KCNMA1: variants seen among roughly 807,000 people sequenced by gnomAD.
KCNMA1 encodes the protein Calcium-activated potassium channel subunit alpha-1.
In KCNMA1, 29 loss-of-function variants were observed where a neutral mutation model predicts 140.0. That is an observed-to-expected ratio of 0.21 (90% confidence interval 0.15 to 0.28). The LOEUF is 0.28. Among genes scored for constraint, KCNMA1 ranks in the 10% least tolerant of loss-of-function variants. The pLI, the probability that KCNMA1 is intolerant of heterozygous loss-of-function variation, is 1.00. For synonymous variants in KCNMA1, 612 were observed against 611.9 expected, an observed-to-expected ratio of 1.00 and a Z score of 0.00; for missense variants, 880 against 1,602.2, an observed-to-expected ratio of 0.55 and a Z score of 7.70.
At chr10:76,957,124 T>C (rs1202881956) in intron 20 of KCNMA1, among the ~76,000 whole-genome samples, 2 of 64,284 alleles carry the variant, frequency 3.1e-5, no homozygotes, top group Non-Finnish European at 5.5e-5. Flanking sequence ...CGAGACTCTG[T>C]CTCAAAAAAA....
intron 21 of KCNMA1, among the ~76,000 whole-genome samples, chr10:76,949,668 T>C (rs563654214): frequency 6.6e-6 from 1 of 152,316 alleles, no homozygotes; most frequent in East Asian, 1.9e-4. Flanking sequence ...ACCTTCATAA[T>C]AATTTTCAGG....
intron 1 of KCNMA1, among the ~76,000 whole-genome samples, chr10:77,489,922 T>C (rs1378129508): frequency 6.6e-6 from 1 of 152,166 alleles, no homozygotes; most frequent in Non-Finnish European, 1.5e-5. Context: ...AGCAAGTCAC[T>C]CCCCCTTCCT....
Position 76,889,555 on chromosome 10 carries a change from A to G in KCNMA1, c.3357T>C (p.Tyr1119=), listed in dbSNP as rs1457371491. The change falls in exon 27 of 28, where the codon TAT becomes TAC. Residue 1119 remains tyrosine (Y), a synonymous_variant. Transcript: ENST00000286628. ...TCAGAGCTTTGCAGAACAGATCACC[A>G]TAACAACCACCATCCTGGGAGACAG... The part of the protein sequence containing the change: ...PFADLGDGGC[Y]GDLFCKALKT... The G allele has an allele frequency of 5.6e-6, 9 of 1,612,990 alleles. No homozygotes were observed. In the African/African-American group the frequency reaches 6.7e-5, roughly 12 times the overall value.
chr10:77,099,441 T>G (rs1419026014), intron 9 of KCNMA1, among the ~76,000 whole-genome samples: 1 of 152,158 alleles, frequency 6.6e-6, no homozygotes, highest in Admixed American at 6.5e-5. Flanking sequence ...ACCTCCAGCA[T>G]CTGTTAGTCA....
intron 5 of KCNMA1, among the ~76,000 whole-genome samples, chr10:77,157,431 A>C (rs1370221417): frequency 6.7e-6 from 1 of 148,840 alleles, no homozygotes; most frequent in Non-Finnish European, 1.5e-5. Context: ...ATCTTTATCC[A>C]ATGTGATCAA....
intron 2 of KCNMA1, among the ~76,000 whole-genome samples, chr10:77,400,106 C>T (rs2096212989): frequency 6.6e-6 from 1 of 152,230 alleles, no homozygotes; most frequent in African/African-American, 2.4e-5. Context: ...CAGGGATAAA[C>T]ATTTGGACGG....
intron 2 of KCNMA1, among the ~76,000 whole-genome samples, chr10:77,393,292 G>T (rs987541208): frequency 2.0e-5 from 3 of 151,944 alleles, no homozygotes; most frequent in African/African-American, 4.8e-5. Flanking sequence ...TTCTACCCCT[G>T]CCCCAGAAAA....
chr10:77,214,324 T>C (rs1014809083), intron 3 of KCNMA1, among the ~76,000 whole-genome samples: 27 of 152,176 alleles, frequency 1.8e-4, no homozygotes, highest in Admixed American at 1.6e-3. Context: ...CGCCTCATCA[T>C]GTCATTAAAA....
At chr10:77,222,972 G>A (rs2050156521) in intron 3 of KCNMA1, among the ~76,000 whole-genome samples, 1 of 152,176 alleles carries the variant, frequency 6.6e-6, no homozygotes, top group African/African-American at 2.4e-5. Flanking sequence ...GCTCACACAT[G>A]TAATCTCAGC....
intron 14 of KCNMA1, among the ~76,000 whole-genome samples, chr10:77,070,859 G>A (rs899004255): frequency 2.0e-5 from 3 of 152,164 alleles, no homozygotes; most frequent in Admixed American, 6.5e-5. Context: ...ATGTGAATAA[G>A]GCATCTCTAT....
chr10:77,220,086 G>A (rs895514856), intron 3 of KCNMA1, among the ~76,000 whole-genome samples: 1 of 152,158 alleles, frequency 6.6e-6, no homozygotes, highest in African/African-American at 2.4e-5. Flanking sequence ...TGTTCTGAGT[G>A]TTTTTATCTG....
intron 1 of KCNMA1, among the ~76,000 whole-genome samples, chr10:77,429,801 AT>A (rs199703436): frequency 0.01 from 1,596 of 152,256 alleles, 39 homozygotes; most frequent in African/African-American, 0.037. Flanking sequence ...ATATGTATCT[AT>A]CATATATGTA....
At chr10:77,184,307 C>T (rs753613038) in intron 4 of KCNMA1, among the ~76,000 whole-genome samples, 6 of 152,158 alleles carry the variant, frequency 3.9e-5, no homozygotes, top group Non-Finnish European at 8.8e-5. Context: ...GCAACCTCTG[C>T]CTCCCAGGTT....
intron 3 of KCNMA1, among the ~76,000 whole-genome samples, chr10:77,225,303 T>C (rs977360400): frequency 1.3e-5 from 2 of 152,160 alleles, no homozygotes; most frequent in Non-Finnish European, 2.9e-5. Context: ...CCATTTCCTC[T>C]TGGGCTTCAG....
intron 3 of KCNMA1, among the ~76,000 whole-genome samples, chr10:77,214,087 C>G (rs1258056691): frequency 1.3e-5 from 2 of 152,186 alleles, no homozygotes; most frequent in Non-Finnish European, 1.5e-5. Context: ...CACACCAGCT[C>G]TGGAAAGCTG....
chr10:77,567,137 C>T (rs1372862155), intron 1 of KCNMA1, among the ~76,000 whole-genome samples: 12 of 152,104 alleles, frequency 7.9e-5, no homozygotes, highest in Admixed American at 7.9e-4. Flanking sequence ...GCCTGCAGAG[C>T]GATGTAACAG....
At chr10:77,396,239 A>G (rs915564539) in intron 2 of KCNMA1, among the ~76,000 whole-genome samples, 3 of 152,212 alleles carry the variant, frequency 2.0e-5, no homozygotes, top group Non-Finnish European at 2.9e-5. Flanking sequence ...CTGCTACACA[A>G]GGCATTGGCC....
At chr10:77,316,694 AG>A (rs1420762829) in intron 2 of KCNMA1, among the ~76,000 whole-genome samples, 1 of 152,192 alleles carries the variant, frequency 6.6e-6, no homozygotes, top group Non-Finnish European at 1.5e-5. Flanking sequence ...CAATAATTTT[AG>A]GCAAGTCATT....
At chr10:77,295,808 A>AAAAAAC (rs2074906693) in intron 2 of KCNMA1, among the ~76,000 whole-genome samples, 1 of 150,512 alleles carries the variant, frequency 6.6e-6, no homozygotes, top group South Asian at 2.1e-4. Flanking sequence ...AAAAAAAAAA[A>AAAAAAC]AAAAAAAAAC....
Sources: allele counts gnomAD v4.1 joint callset (sites outside exome capture counted in the v4.1 genomes callset), GRCh38; gene constraint gnomAD v4.1.1; transcripts MANE v1.5; gene names NCBI Gene and HGNC (gene_info 2026-07-23, HGNC 2026-07-21).